MCF2L: variants seen among roughly 807,000 people sequenced by gnomAD.
MCF2L encodes MCF.2 cell line derived transforming sequence like.
A neutral mutation model predicts 153.4 loss-of-function variants in MCF2L; 97 were observed. The observed-to-expected ratio is 0.63, with a 90% CI of 0.54 to 0.75. The LOEUF is 0.75. Ranked by LOEUF, MCF2L falls within the 30% of genes least tolerant of loss-of-function variation. The pLI is 0.00. For synonymous variants in MCF2L, 659 were observed against 632.2 expected, an observed-to-expected ratio of 1.04 and a Z score of -0.64; for missense variants, 1,347 against 1,495.2, an observed-to-expected ratio of 0.90 and a Z score of 1.64.
chr13:113,078,251 G>A (rs1473425433), intron 13 of MCF2L, 112 bp from the exon 14 acceptor site: 1 of 835,548 alleles, frequency 1.2e-6, no homozygotes, highest in South Asian at 1.5e-5. Flanking sequence ...ACCACCTGTG[G>A]CCTCAGAGGC....
intron 1 of MCF2L, among the ~76,000 whole-genome samples, chr13:113,011,255 T>C (rs954288662): frequency 2.6e-5 from 4 of 152,230 alleles, no homozygotes; most frequent in Non-Finnish European, 4.4e-5. Context: ...TATGAGGGCT[T>C]AGCTGTGTGC....
At chr13:113,018,182 G>A (rs972137628) in intron 2 of MCF2L, among the ~76,000 whole-genome samples, 6 of 152,138 alleles carry the variant, frequency 3.9e-5, no homozygotes, top group Non-Finnish European at 7.4e-5. Flanking sequence ...CGGGGGCTCC[G>A]GACTCCTGTA....
At chr13:113,032,194 C>T (rs545471657) in intron 3 of MCF2L, among the ~76,000 whole-genome samples, 1 of 152,314 alleles carries the variant, frequency 6.6e-6, no homozygotes, top group African/African-American at 2.4e-5. Flanking sequence ...ACCTGAGCAC[C>T]CTGTCCTGCT....
intron 4 of MCF2L, among the ~76,000 whole-genome samples, chr13:113,059,886 CAT>C (rs1454411237): frequency 6.6e-6 from 1 of 152,254 alleles, no homozygotes; most frequent in African/African-American, 2.4e-5. Context: ...GTAACACACA[CAT>C]GTGTCTATGT....
chr13:113,023,931 G>A (rs1031923048), intron 2 of MCF2L, among the ~76,000 whole-genome samples: 1 of 152,236 alleles, frequency 6.6e-6, no homozygotes, highest in African/African-American at 2.4e-5. Context: ...GGCATGAGAG[G>A]GCAGCTGCAG....
At chr13:112,908,732 G>GTTTT (rs139495654) in intron 2 of MCF2L, among the ~76,000 whole-genome samples, 2 of 148,602 alleles carry the variant, frequency 1.3e-5, no homozygotes, top group Non-Finnish European at 3.0e-5. Flanking sequence ...TTTTGTTTTG[G>GTTTT]TTTTTTTTTG....
chr13:113,085,326 C>T (rs1414588770), intron 20 of MCF2L, 148 bp downstream of exon 20: 12 of 669,534 alleles, frequency 1.8e-5, no homozygotes, highest in East Asian at 2.7e-5. Flanking sequence ...GGATGCCTTT[C>T]GAGGTCCTAC....
intron 3 of MCF2L, chr13:113,044,443 C>T (rs2086678644): frequency 1.9e-6 from 1 of 518,888 alleles, no homozygotes; most frequent in Admixed American, 3.2e-5. Flanking sequence ...CATAATTTAT[C>T]TCCATCCTGC....
At chr13:113,034,574 C>T (rs1002096405) in intron 3 of MCF2L, among the ~76,000 whole-genome samples, 3 of 150,590 alleles carry the variant, frequency 2.0e-5, no homozygotes, top group Non-Finnish European at 4.4e-5. Flanking sequence ...TCGCCCTCAC[C>T]TTCTCCCTCG....
intron 1 of MCF2L, among the ~76,000 whole-genome samples, chr13:112,995,688 TGCTG>T (rs2083099063): frequency 6.6e-6 from 1 of 152,136 alleles, no homozygotes; most frequent in Non-Finnish European, 1.5e-5. Flanking sequence ...GGTGGCGGGC[TGCTG>T]GCATCCTGTC....
chr13:113,067,151 G>A (rs1043643394), intron 8 of MCF2L, among the ~76,000 whole-genome samples: 6 of 152,400 alleles, frequency 3.9e-5, no homozygotes, highest in Non-Finnish European at 7.3e-5. Flanking sequence ...CCGTGCACAC[G>A]CCTGGCAGGG....
chr13:113,041,920 G>C (rs1172286407), intron 3 of MCF2L, among the ~76,000 whole-genome samples: 1 of 152,186 alleles, frequency 6.6e-6, no homozygotes, highest in African/African-American at 2.4e-5. Flanking sequence ...AGGTTCCCCT[G>C]TCCGTGCTCA....
At chr13:113,091,657 G>A (rs530962570) in intron 26 of MCF2L, among the ~76,000 whole-genome samples, 7 of 151,752 alleles carry the variant, frequency 4.6e-5, no homozygotes, top group East Asian at 1.9e-4. Context: ...CAATGAGGCC[G>A]AGCTCCCTGT....
At chr13:113,033,032 G>T (rs1010190836) in intron 3 of MCF2L, among the ~76,000 whole-genome samples, 47 of 140,696 alleles carry the variant, frequency 3.3e-4, no homozygotes, top group Non-Finnish European at 3.7e-4. Flanking sequence ...AGTGGACCCC[G>T]TGGCGTGAGT....
Position 113,035,154 on chromosome 13 carries a change from G to C in MCF2L, c.279-10117G>C, listed in dbSNP as rs1397636457. The stretch of plus-strand genomic sequence containing the variant: ...CTTCCAACCACACGAGGGTGCAGCT[G>C]GGCAACCGCAGCTTTTGGAAAAATG... On this transcript the variant is annotated intron_variant, in intron 3 of 29. Transcript: ENST00000535094. The surrounding 1 kb of genome is among the most constrained non-coding windows in gnomAD (Gnocchi z 4.4). Among the ~76,000 whole-genome samples, 1 of 152,188 alleles carries C rather than the reference G, an allele frequency of 6.6e-6. No individual in the cohort carries two copies. Among genetic ancestry groups the C allele is most frequent in the East Asian group, 1.9e-4 (1 of 5,202 alleles).
Position 113,027,143 on chromosome 13 carries a change from G to C in MCF2L, c.278+2385G>C. 1.4e-6 allele frequency: 1 copy of C among 694,064 alleles called. No homozygotes were observed. The highest frequency in any genetic ancestry group is 2.6e-6 in the Non-Finnish European group (1 of 379,962). 43.0% of individuals were successfully genotyped at this position (694,064 alleles called of 1,614,324 possible). On this transcript the variant is annotated intron_variant, in intron 3 of 29. Coordinates refer to ENST00000535094, the MANE Select transcript of MCF2L (RefSeq NM_001112732.3). This position sits in a 1 kb window ranked among gnomAD's most constrained non-coding sequence, Gnocchi z 4.8. Reference sequence around the variant, plus strand: ...GATGTTTAACCATCAGCGTGAAAGTGCAGCCGTGGCCATTACCGTGAAGGT... The same window carrying C: ...GATGTTTAACCATCAGCGTGAAAGTCCAGCCGTGGCCATTACCGTGAAGGT...
At chr13:113,032,616 T>C (rs1177861759) in intron 3 of MCF2L, among the ~76,000 whole-genome samples, 1 of 152,204 alleles carries the variant, frequency 6.6e-6, no homozygotes, top group East Asian at 1.9e-4. Flanking sequence ...TCACCCAGAC[T>C]GGAGTGCAGT....
At chr13:113,085,256 C>G in intron 20 of MCF2L, 78 bp downstream of exon 20, 8 of 1,249,630 alleles carry the variant, frequency 6.4e-6, no homozygotes, top group Non-Finnish European at 9.2e-6. Context: ...GGGCCCCGTC[C>G]CCATCGCGCC....
At chr13:112,972,843 G>A (rs2082097036) in intron 1 of MCF2L, among the ~76,000 whole-genome samples, 1 of 148,990 alleles carries the variant, frequency 6.7e-6, no homozygotes, top group Non-Finnish European at 1.5e-5. Flanking sequence ...ATGGATGGAT[G>A]AATGGATGGA....
Sources: allele counts gnomAD v4.1 joint callset (sites outside exome capture counted in the v4.1 genomes callset), GRCh38; gene constraint gnomAD v4.1.1; non-coding constraint Gnocchi (gnomAD v3.1); transcripts MANE v1.5; gene names NCBI Gene and HGNC (gene_info 2026-07-23, HGNC 2026-07-21).